MS4A8: variants seen among roughly 807,000 people sequenced by gnomAD.
MS4A8 encodes the protein membrane-spanning 4-domains subfamily A member 8.
Under a neutral mutation model 23.7 loss-of-function variants are expected in MS4A8, and 27 were observed. The observed-to-expected ratio is 1.14, with a 90% confidence interval of 0.84 to 1.57. The LOEUF (loss-of-function observed/expected upper bound fraction) is 1.57, where lower values mean the gene tolerates loss of function less well. MS4A8 is among the 40% of genes most tolerant of loss of function. The pLI, the probability that MS4A8 is intolerant of heterozygous loss-of-function variation, is 0.00. For synonymous variants in MS4A8, 138 were observed against 126.3 expected (o/e 1.09, Z -0.62); for missense variants, 301 against 311.4 (o/e 0.97, Z 0.25).
chr11:60,703,495 T>C lies in MS4A8; in HGVS notation c.337T>C (p.Leu113=), dbSNP rs2088224985. ...FYGGFPFWGG[L]WFIISGSLSV... is the part of the protein sequence containing the mutation. ...CGGAGGCTTTCCCTTCTGGGGAGGCTTGTGGGTGAGTAACTCAAGTCCTCC... is the reference window on the plus strand; with the variant it reads ...CGGAGGCTTTCCCTTCTGGGGAGGCCTGTGGGTGAGTAACTCAAGTCCTCC... The change falls in exon 3 of 7, where the codon TTG becomes CTG. Residue 113 remains leucine (L), a synonymous_variant. Coordinates refer to ENST00000300226, the MANE Select transcript of MS4A8 (RefSeq NM_031457.2). 6.2e-7 allele frequency: 1 copy of C among 1,607,526 alleles called. No individual in the cohort carries two copies. Among genetic ancestry groups the C allele is most frequent in the Non-Finnish European group, 8.5e-7 (1 of 1,177,512 alleles).
At chr11:60,712,482 GT>G in intron 5 of MS4A8, 1 of 985,290 alleles carries the variant, frequency 1.0e-6, no homozygotes, top group Non-Finnish European at 1.2e-6. Flanking sequence ...CACCAATGCT[GT>G]TTTTAAAAAT....
Position 60,703,395 on chromosome 11 carries a change from T to A in MS4A8, c.237T>A (p.Ile79=), listed in dbSNP as rs969348586. ...CCTGACAGGCCATCCAGATCATCAT[T>A]GGCCTGGCTCACATCGGCCTCGGCT... ...GKTLGAIQII[I]GLAHIGLGSI... is the part of the protein sequence containing the mutation. The change falls in exon 3 of 7, where the codon ATT becomes ATA. Residue 79 remains isoleucine, a synonymous_variant. Transcript: ENST00000300226. 6.3e-7 allele frequency: 1 copy of A among 1,591,410 alleles called. No individual in the cohort carries two copies. Among genetic ancestry groups the A allele is most frequent in the Non-Finnish European group, 8.5e-7 (1 of 1,170,566 alleles).
rs541774711 is a variant in MS4A8, at chr11:60,712,231, C to G, written c.535-2790C>G. 2.2e-4 allele frequency: 149 copies of G among 669,004 alleles called. 2 individuals are homozygous for G. The highest frequency in any genetic ancestry group is 6.7e-5 in the South Asian group (1 of 14,830). The allele number at this position is 669,004 out of a possible 1,614,324, so 41.4% of individuals were successfully genotyped here. ...TAAATCCCTTCATGACAATGAACCT[C>G]TCCCTCCTCAGTGCTCTGGGATACC... On this transcript the variant is annotated intron_variant, in intron 5 of 6. Transcript: ENST00000300226.
chr11:60,715,375 A>G lies in MS4A8; in HGVS notation c.714A>G (p.Ser238=), dbSNP rs769194092. Residue 238 remains serine, a synonymous_variant, in exon 7 of 7, where the codon TCA becomes TCG. Coordinates refer to ENST00000300226, the MANE Select transcript of MS4A8 (RefSeq NM_031457.2). ...TGATCACCCCAGAACCGGTGACCTC[A>G]CCACCAAGTTATTCCAGTGAGATCC... ...NPVITPEPVT[S]PPSYSSEIQA... 6.8e-6 allele frequency: 11 copies of G among 1,613,900 alleles called. No individual in the cohort carries two copies. Among genetic ancestry groups the G allele is most frequent in the South Asian group, 1.1e-5 (1 of 91,066 alleles).
chr11:60,712,959 A>G lies in MS4A8; in HGVS notation c.535-2062A>G, dbSNP rs76310153. On this transcript the variant is annotated intron_variant, in intron 5 of 6. Transcript: ENST00000300226. ...AGATTGAAACTCGCTTCCCAGATAC[A>G]CTGGAAGACTCCATACTCCTGGGTA... is the stretch of plus-strand genomic sequence containing the variant. Among the ~76,000 whole-genome samples the G allele has an allele frequency of 6.7e-3, 1,014 of 152,200 alleles. 7 individuals are homozygous for G. Among genetic ancestry groups the G allele is most frequent in the African/African-American group, 0.022 (928 of 41,516 alleles).
chr11:60,708,289 T>C (rs2088274125), intron 4 of MS4A8, among the ~76,000 whole-genome samples: 2 of 152,362 alleles, frequency 1.3e-5, no homozygotes, highest in African/African-American at 2.4e-5. Flanking sequence ...CCCACCACGA[T>C]GATCTGTTTA....
At chr11:60,705,166 C>G (rs748604028) in intron 3 of MS4A8, among the ~76,000 whole-genome samples, 1 of 152,238 alleles carries the variant, frequency 6.6e-6, no homozygotes, top group Non-Finnish European at 1.5e-5. Flanking sequence ...TGCACACACC[C>G]AAACTCAGAA....
intron 3 of MS4A8, among the ~76,000 whole-genome samples, chr11:60,706,723 TAA>T (rs1315952770): frequency 6.6e-6 from 1 of 152,204 alleles, no homozygotes; most frequent in East Asian, 1.9e-4. Flanking sequence ...GATGAGGAAA[TAA>T]AGACTTAGAG....
chr11:60,712,639 C>A, intron 5 of MS4A8: 1 of 297,382 alleles, frequency 3.4e-6, no homozygotes, highest in Non-Finnish European at 5.0e-6. Context: ...ACAAAATATA[C>A]AAAAATTAGC....
intron 5 of MS4A8, chr11:60,711,894 G>A: frequency 8.8e-6 from 4 of 455,838 alleles, no homozygotes; most frequent in South Asian, 6.2e-5. Context: ...CCACCTTCAA[G>A]CCTCAGTCAT....
Position 60,708,452 on chromosome 11 carries a change from T to C in MS4A8, c.403-198T>C, listed in dbSNP as rs140640620. Among the ~76,000 whole-genome samples, 524 of 152,338 alleles carry C rather than the reference T, an allele frequency of 3.4e-3. 4 individuals carry two copies. Among genetic ancestry groups the C allele is most frequent in the African/African-American group, 0.012 (496 of 41,588 alleles). ...GAGTTATAGAGATGGATGGTGGCAA[T>C]GGTTGCACAGCATTGTAGATGTGTT... On this transcript the variant is annotated intron_variant, in intron 4 of 6. Coordinates refer to ENST00000300226, the MANE Select transcript of MS4A8 (RefSeq NM_031457.2).
chr11:60,712,310 T>C, intron 5 of MS4A8: 8 of 984,992 alleles, frequency 8.1e-6, no homozygotes, highest in Non-Finnish European at 9.6e-6. Context: ...AATTATCATC[T>C]GCATCTGTTT....
chr11:60,711,778 G>A (rs1382497862), intron 5 of MS4A8: 2 of 455,830 alleles, frequency 4.4e-6, no homozygotes, highest in Admixed American at 4.7e-5. Flanking sequence ...AGGTGCCCTG[G>A]AGTAGAGGGA....
intron 5 of MS4A8, chr11:60,711,802 A>G (rs1419297051): frequency 6.1e-5 from 28 of 455,926 alleles, no homozygotes; most frequent in Non-Finnish European, 8.4e-5. Context: ...GCAATTTTTG[A>G]TTCAGAAAAC....
intron 4 of MS4A8, among the ~76,000 whole-genome samples, chr11:60,707,664 T>C (rs1398864122): frequency 6.6e-6 from 1 of 152,178 alleles, no homozygotes; most frequent in East Asian, 1.9e-4. Flanking sequence ...GCTCAAAATG[T>C]GGAAGCGTAT....
chr11:60,701,057 T>C lies in MS4A8; in HGVS notation c.197T>C (p.Leu66Pro). 6.2e-7 allele frequency: 1 copy of C among 1,614,174 alleles called. No homozygotes were observed. The highest frequency in any genetic ancestry group is 1.3e-5 in the African/African-American group (1 of 75,046). Residue 66 changes from leucine (L) to proline (P), a missense_variant, in exon 2 of 7, where the codon CTG becomes CCG. By Grantham distance (98) the Leu-to-Pro change is moderately conservative. Coordinates refer to ENST00000300226, the MANE Select transcript of MS4A8 (RefSeq NM_031457.2). ...AATGGGCAGCCTGTGCAGAAAGCTC[T>C]GAAAGAAGGCAAAACCTTGGGGGTA... ...NVNGQPVQKA[L>P]KEGKTLGAIQ...
intron 5 of MS4A8, among the ~76,000 whole-genome samples, chr11:60,711,505 T>TG (rs1373305820): frequency 6.6e-6 from 1 of 152,124 alleles, no homozygotes; most frequent in East Asian, 1.9e-4. Flanking sequence ...TTGCCCTCCC[T>TG]GGGGGATCTG....
intron 5 of MS4A8, among the ~76,000 whole-genome samples, chr11:60,710,069 G>A (rs1332247260): frequency 2.0e-5 from 3 of 152,050 alleles, no homozygotes; most frequent in Admixed American, 2.0e-4. Context: ...GACTTTGCTT[G>A]ACTTCCAGGC....
intron 4 of MS4A8, among the ~76,000 whole-genome samples, chr11:60,708,279 C>G (rs1234001131): frequency 6.6e-6 from 1 of 152,172 alleles, no homozygotes; most frequent in Non-Finnish European, 1.5e-5. Flanking sequence ...TCTGAGAAGT[C>G]CCACCACGAT....
Sources: gnomAD v4.1 joint callset for allele counts (sites outside exome capture counted in the v4.1 genomes callset) on GRCh38, gnomAD v4.1.1 for gene constraint, MANE v1.5 for transcripts, NCBI Gene and HGNC (gene_info 2026-07-23, HGNC 2026-07-21) for gene names.